CDH26: variants seen among roughly 807,000 people sequenced by gnomAD.
CDH26 encodes cadherin 26.
A neutral mutation model predicts 90.3 loss-of-function variants in CDH26; 83 were observed. The ratio of observed to expected loss-of-function variants is 0.92; its 90% CI spans 0.77 to 1.10. CDH26 has a LOEUF of 1.10. Among genes scored for constraint, CDH26 ranks in the 50% least tolerant of loss-of-function variants. The pLI is 0.00. For missense variants in CDH26, 1,013 were observed against 1,037.6 expected, an observed-to-expected ratio of 0.98 and a Z score of 0.33; for synonymous variants, 397 against 396.3, an observed-to-expected ratio of 1.00 and a Z score of -0.02.
chr20:59,985,189 G>C, intron 7 of CDH26, 60 bp downstream of exon 7: 1 of 1,596,228 alleles, frequency 6.3e-7, no homozygotes, highest in Non-Finnish European at 8.5e-7. Context: ...TTGGGTCCTA[G>C]GCTCAGTTTT....
chr20:60,031,303 G>A (rs1430558492), exon 8 of CDH26: 3 of 1,291,252 alleles, frequency 2.3e-6, no homozygotes, highest in Non-Finnish European at 3.0e-6. Context: ...AGCTGGGCGA[G>A]GATTGCCACA....
rs990664894 is a variant in CDH26, at chr20:60,030,055, C to T, written c.948-1176C>T. Among the ~76,000 whole-genome samples, 1 of 152,142 alleles carries T rather than the reference C, an allele frequency of 6.6e-6. No homozygotes were observed. Among genetic ancestry groups the T allele is most frequent in the Non-Finnish European group, 1.5e-5 (1 of 68,018 alleles). ...GAGAAAGAAAGTGAACTGGGGATCC[C>T]TTCTGCCACCTTCCCCCACAACCCC... On this transcript the variant is annotated intron_variant, in intron 7 of 8. Transcript: ENST00000370991. The surrounding 1 kb of genome is among the most constrained non-coding windows in gnomAD (Gnocchi z 4.0).
At chr20:60,002,756 T>C in intron 15 of CDH26, 57 bp from the exon 16 acceptor site, 1 of 1,365,686 alleles carries the variant, frequency 7.3e-7, no homozygotes, top group Admixed American at 1.9e-5. Flanking sequence ...TCTAGTTATG[T>C]ATTTGCATCC....
intron 1 of CDH26, among the ~76,000 whole-genome samples, chr20:59,963,052 TTGTGTG>T (rs541170411): frequency 6.6e-6 from 1 of 152,096 alleles, no homozygotes; most frequent in Non-Finnish European, 1.5e-5. Flanking sequence ...CCTGAGCACT[TTGTGTG>T]TGAGTGTTGT....
At position 59,984,717 on chromosome 20, in the gene CDH26, T is replaced by G; in HGVS notation, c.620T>G (p.Ile207Ser). ...TPNSQVLYFL[I>S]SQTPLLKESG... ...AATTCTCAAGTCCTTTACTTCCTCA[T>G]TTCTCAAACACCATTACTGAAAGAA... The change falls in exon 6 of 18, where the codon ATT becomes AGT. Residue 207 changes from isoleucine (I) to serine (S), a missense_variant. Physicochemically the swap from Ile to Ser is moderately radical, Grantham distance 142. Transcript: ENST00000348616. 1 of 1,614,040 alleles carries G rather than the reference T, an allele frequency of 6.2e-7. No individual in the cohort carries two copies. The highest frequency in any genetic ancestry group is 8.5e-7 in the Non-Finnish European group (1 of 1,179,930).
In CDH26 at chr20:60,002,835, CA is replaced by C. The variant is rs2061694049; in HGVS notation, c.2191del (p.Arg731GlufsTer3). ...GSWGYGKPFEPRSVKNIHSTP... is the reference protein window; with the variant it reads ...GSWGYGKPFEXRSVKNIHSTP... ...AAGGGTTATGGCAAGCCCTTTGAGC[CA>C]AGAAGTGTGAAAAACATACACTCTA... On this transcript the variant is annotated frameshift_variant, in exon 16 of 18. Transcript: ENST00000348616. LOFTEE classifies it high-confidence loss of function. 1 of 1,599,968 alleles carries C rather than the reference CA, an allele frequency of 6.3e-7. No individual in the cohort carries two copies. The highest frequency in any genetic ancestry group is 1.7e-5 in the Admixed American group (1 of 59,268).
intron 16 of CDH26, among the ~76,000 whole-genome samples, chr20:60,004,610 C>T (rs2146010693): frequency 6.6e-6 from 1 of 151,674 alleles, no homozygotes; most frequent in East Asian, 1.9e-4. Flanking sequence ...ACTAAAAATA[C>T]AAAAAATTAA....
At chr20:60,007,307 C>G (rs2061767292) in intron 17 of CDH26, among the ~76,000 whole-genome samples, 1 of 152,166 alleles carries the variant, frequency 6.6e-6, no homozygotes. Flanking sequence ...CTTTGCAGAA[C>G]CCAACTGAAG....
intron 14 of CDH26, 125 bp from the exon 15 acceptor site, chr20:60,001,218 G>GT: frequency 8.5e-7 from 1 of 1,175,078 alleles, no homozygotes; most frequent in Non-Finnish European, 1.2e-6. Context: ...CTCTCATCGT[G>GT]TTAATTTGTG....
intron 1 of CDH26, among the ~76,000 whole-genome samples, chr20:59,967,922 T>TC (rs1156350037): frequency 1.4e-5 from 2 of 141,316 alleles, no homozygotes; most frequent in African/African-American, 5.6e-5. Context: ...TCCTTTCCTT[T>TC]CCTTTCCTTT....
In CDH26 at chr20:59,999,614, C is replaced by T. The variant is rs374871304; in HGVS notation, c.2048C>T (p.Pro683Leu). 136 of 1,614,010 alleles carry T rather than the reference C, an allele frequency of 8.4e-5. No individual in the cohort carries two copies. The highest frequency in any genetic ancestry group is 1.1e-4 in the Non-Finnish European group (125 of 1,180,014). ...QTWSDVEGQR[P>L]ALLICTAAAG... ...TGGTCAGATGTTGAAGGCCAGAGGC[C>T]GGCTCTGCTCATCTGCACAGCTGCA... The change falls in exon 14 of 18, where the codon CCG (proline) becomes CTG (leucine). Residue 683 changes from proline (P) to leucine (L), a missense_variant. Pro to Leu is a moderately conservative substitution (Grantham distance 98). Coordinates refer to ENST00000348616, the MANE Select transcript of CDH26 (RefSeq NM_177980.4).
chr20:60,005,433 T>A (rs1289812381), intron 16 of CDH26, among the ~76,000 whole-genome samples: 2 of 152,166 alleles, frequency 1.3e-5, no homozygotes, highest in Admixed American at 6.5e-5. Flanking sequence ...AGTATGCATA[T>A]ATGAACATGT....
In CDH26 at chr20:59,994,195, C is replaced by T. The variant is rs536172577; in HGVS notation, c.1427-55C>T. ...CTGAGAGACGGAGAGTGCTCATTCT[C>T]CAGAGCTGTGTGTGCACGAGATAAA... On this transcript the variant is annotated intron_variant, in intron 10 of 17. Coordinates refer to ENST00000348616, the MANE Select transcript of CDH26 (RefSeq NM_177980.4). 8.8e-5 allele frequency: 142 copies of T among 1,607,576 alleles called. 1 individual carries two copies. In the East Asian group the frequency reaches 3.2e-3, roughly 36 times the overall value.
chr20:60,021,778 TTTAG>T (rs1291745072), intron 7 of CDH26, among the ~76,000 whole-genome samples: 1 of 151,086 alleles, frequency 6.6e-6, no homozygotes, highest in African/African-American at 2.4e-5. Flanking sequence ...TTTATAGATA[TTTAG>T]TTAGACATTT....
At chr20:59,984,949 AT>A (rs1238161074) in intron 6 of CDH26, 51 bp from the exon 7 acceptor site, 1 of 1,593,458 alleles carries the variant, frequency 6.3e-7, no homozygotes, top group Non-Finnish European at 8.6e-7. Flanking sequence ...CTTTATTAAT[AT>A]TTTCCTTTCC....
chr20:60,017,041 T>C (rs1289389424), downstream of CDH26, among the ~76,000 whole-genome samples: 3 of 152,106 alleles, frequency 2.0e-5, no homozygotes, highest in Non-Finnish European at 4.4e-5. Context: ...GGTTTTAACA[T>C]CTATGTTCAT....
chr20:59,989,052 A>G lies in CDH26; in HGVS notation c.1172A>G (p.Asn391Ser), dbSNP rs962491828. Residue 391 changes from asparagine to serine, a missense_variant, in exon 9 of 18, where the codon AAC becomes AGC. Transcript: ENST00000348616. ...GTGAGTGTGCAGGTGACAGACGCCA[A>G]CGACCCACCAGCCTTTCACCCCCAG... is the stretch of plus-strand genomic sequence containing the variant. ...ATVSVQVTDANDPPAFHPQSF... is the reference protein window; with the variant it reads ...ATVSVQVTDASDPPAFHPQSF... 1.1e-5 allele frequency: 17 copies of G among 1,614,102 alleles called. No homozygotes were observed. Among genetic ancestry groups the G allele is most frequent in the Non-Finnish European group, 1.2e-5 (14 of 1,180,058 alleles).
chr20:59,990,887 T>G (rs1404260064), intron 9 of CDH26, among the ~76,000 whole-genome samples: 1 of 151,930 alleles, frequency 6.6e-6, no homozygotes, highest in Admixed American at 6.6e-5. Context: ...TTCTTTTTTT[T>G]GAGATGGAGT....
intron 17 of CDH26, among the ~76,000 whole-genome samples, chr20:60,007,558 G>C (rs1468794692): frequency 6.6e-6 from 1 of 152,180 alleles, no homozygotes; most frequent in Non-Finnish European, 1.5e-5. Flanking sequence ...TTAAGCAGCA[G>C]GTTGATGCAA....
Sources: gnomAD v4.1 joint callset for allele counts (sites outside exome capture counted in the v4.1 genomes callset) on GRCh38, gnomAD v4.1.1 for gene constraint, Gnocchi (gnomAD v3.1) non-coding constraint, MANE v1.5 for transcripts, NCBI Gene and HGNC (gene_info 2026-07-23, HGNC 2026-07-21) for gene names.